PTP4A1: variants seen among roughly 807,000 people sequenced by gnomAD.
PTP4A1 encodes protein tyrosine phosphatase type IVA 1.
PTP4A1 carries 9 observed loss-of-function variants against 20.5 expected under a neutral mutation model. The observed-to-expected ratio is 0.44, with a 90% CI of 0.26 to 0.77. The LOEUF (loss-of-function observed/expected upper bound fraction) is 0.77. Among genes scored for constraint, PTP4A1 ranks in the 30% least tolerant of loss-of-function variants. The pLI, the probability that PTP4A1 is intolerant of heterozygous loss-of-function variation, is 0.19. For synonymous variants in PTP4A1, 78 were observed against 67.4 expected (o/e 1.16, Z -0.77); for missense variants, 137 against 218.8 (o/e 0.63, Z 2.36).
In PTP4A1 at chr6:63,522,989, G is replaced by A. The variant is rs183329105; in HGVS notation, c.-906+1163G>A. On this transcript the variant is annotated intron_variant, in intron 1 of 3. Coordinates refer to the PTP4A1 transcript ENST00000639568. ...AAGCGATTCTCCTGCCACAGCCTCC[G>A]GAGTAGCTGGGACTACAGGCATGTG... Among the ~76,000 whole-genome samples, 10 of 151,014 alleles carry A rather than the reference G, an allele frequency of 6.6e-5. No individual in the cohort carries two copies. The South Asian group carries it at 8.4e-4, about 13-fold the overall frequency.
chr6:63,525,404 C>T (rs1023238854), intron 1 of PTP4A1, among the ~76,000 whole-genome samples: 1 of 152,166 alleles, frequency 6.6e-6, no homozygotes, highest in Non-Finnish European at 1.5e-5. Flanking sequence ...GGAACACACT[C>T]CTTCCCGTTT....
At position 63,582,823 on chromosome 6, in the gene PTP4A1, T is replaced by C. The variant is rs1778325324; in HGVS notation, c.*2649T>C. ...CATTGTTTCCCCTAGTGCCCTCTTT[T>C]CCCTAGGGCATTGCTCTCCTATTCC... On this transcript the variant is annotated 3_prime_UTR_variant, in exon 6 of 6. Transcript: ENST00000626021. 6.6e-6 allele frequency: 1 copy of C among 152,162 alleles called. No homozygotes were observed. Among genetic ancestry groups the C allele is most frequent in the African/African-American group, 2.4e-5 (1 of 41,420 alleles). The allele number at this position is 152,162 out of a possible 1,614,324, so 9.4% of individuals were successfully genotyped here.
At chr6:63,543,288 T>C (rs1376659506) in intron 2 of PTP4A1, among the ~76,000 whole-genome samples, 2 of 152,208 alleles carry the variant, frequency 1.3e-5, no homozygotes, top group Admixed American at 6.5e-5. Flanking sequence ...TCAACTAAAA[T>C]GAACCCTCCT....
At chr6:63,550,521 T>A (rs192515957) in intron 3 of PTP4A1, 1 of 152,308 alleles carries the variant, frequency 6.6e-6, no homozygotes, top group African/African-American at 2.4e-5. Flanking sequence ...ACTTTCATGA[T>A]AAAGGGCCTG....
chr6:63,550,003 C>T (rs1407085084), intron 2 of PTP4A1, among the ~76,000 whole-genome samples: 2 of 152,098 alleles, frequency 1.3e-5, no homozygotes, highest in East Asian at 3.8e-4. Flanking sequence ...AGATGAGGAA[C>T]ACACTAATTA....
intron 2 of PTP4A1, among the ~76,000 whole-genome samples, chr6:63,541,326 G>A (rs922822555): frequency 1.3e-5 from 2 of 152,136 alleles, no homozygotes; most frequent in South Asian, 2.1e-4. Context: ...AGGTCAAGGC[G>A]GGTGGATCAT....
At chr6:63,550,624 G>C (rs1416288159) in intron 3 of PTP4A1, 1 of 152,384 alleles carries the variant, frequency 6.6e-6, no homozygotes, top group Non-Finnish European at 1.5e-5. Flanking sequence ...TGGTTGGTTG[G>C]TTGGTTGGTT....
chr6:63,529,844 C>CA (rs1435488653), intron 2 of PTP4A1, among the ~76,000 whole-genome samples: 3 of 152,092 alleles, frequency 2.0e-5, no homozygotes, highest in Admixed American at 2.0e-4. Flanking sequence ...CAGGAGCTAT[C>CA]AGAGAACTAA....
At chr6:63,552,917 A>C (rs1776517533) in intron 3 of PTP4A1, among the ~76,000 whole-genome samples, 1 of 152,134 alleles carries the variant, frequency 6.6e-6, no homozygotes, top group Non-Finnish European at 1.5e-5. Context: ...CTGTTTTGGT[A>C]CTGTAGCCTT....
intron 1 of PTP4A1, among the ~76,000 whole-genome samples, chr6:63,575,480 GTTC>G (rs755898033): frequency 2.6e-5 from 4 of 152,114 alleles, no homozygotes; most frequent in Non-Finnish European, 5.9e-5. Flanking sequence ...AAATGGTTTA[GTTC>G]TTAAGGGGGA....
rs1778369098 is a variant in PTP4A1 at position 63,583,352 on chromosome 6, G to GA, written c.*3182dup. 6.6e-6 allele frequency: 1 copy of GA among 152,146 alleles called. No homozygotes were observed. The highest frequency in any genetic ancestry group is 2.1e-4 in the South Asian group (1 of 4,828). 9.4% of individuals were successfully genotyped at this position (152,146 alleles called of 1,614,324 possible). ...TATATATGTGCCTCACACCTGAATTGAAAATTAAAGACTGGTTTAAAAGTG... is the reference window on the plus strand; with the variant it reads ...TATATATGTGCCTCACACCTGAATTGAAAAATTAAAGACTGGTTTAAAAGTG... On this transcript the variant is annotated 3_prime_UTR_variant, in exon 6 of 6. Coordinates refer to ENST00000626021, the MANE Select transcript of PTP4A1 (RefSeq NM_003463.5).
intron 2 of PTP4A1, among the ~76,000 whole-genome samples, chr6:63,547,807 G>A (rs1409590665): frequency 3.3e-5 from 5 of 151,946 alleles, no homozygotes; most frequent in Non-Finnish European, 5.9e-5. Context: ...CACTGCGCCC[G>A]GCCCAGGGGG....
At chr6:63,561,931 C>T (rs1315248393) in intron 3 of PTP4A1, among the ~76,000 whole-genome samples, 2 of 152,078 alleles carry the variant, frequency 1.3e-5, no homozygotes, top group Non-Finnish European at 2.9e-5. Context: ...AGGCTACAGA[C>T]CTATCGGTGC....
upstream of PTP4A1, among the ~76,000 whole-genome samples, chr6:63,517,726 C>G (rs1329045740): frequency 6.6e-6 from 1 of 152,104 alleles, no homozygotes; most frequent in East Asian, 1.9e-4. Flanking sequence ...ATATGTATCA[C>G]AGACACTGAT....
intron 2 of PTP4A1, among the ~76,000 whole-genome samples, chr6:63,547,881 C>G (rs753695820): frequency 7.2e-5 from 11 of 152,142 alleles, no homozygotes; most frequent in Non-Finnish European, 1.3e-4. Flanking sequence ...CACTTTCCAA[C>G]ACTTATTTAT....
In PTP4A1 at chr6:63,578,451, T is replaced by C. The variant is rs1012488978; in HGVS notation, c.120T>C (p.Tyr40=). 1.1e-5 allele frequency: 17 copies of C among 1,607,832 alleles called. No individual in the cohort carries two copies. Among genetic ancestry groups the C allele is most frequent in the Non-Finnish European group, 1.4e-5 (17 of 1,178,366 alleles). The change falls in exon 3 of 6, where the codon TAT becomes TAC. Residue 40 remains tyrosine (Y), a synonymous_variant. Transcript: ENST00000626021. The stretch of plus-strand genomic sequence containing the variant: ...GTTTTATCCAGGAACTTAAGAAGTA[T>C]GGAGTTACCACAATAGTAAGAGTAT... The part of the protein sequence containing the change: ...LNKFIEELKK[Y]GVTTIVRVCE...
At position 63,576,446 on chromosome 6, in the gene PTP4A1, GTGT is replaced by G. The variant is rs1228485919; in HGVS notation, c.-433_-431del. 1 of 399,326 alleles carries G rather than the reference GTGT, an allele frequency of 2.5e-6. No individual in the cohort carries two copies. Among genetic ancestry groups the G allele is most frequent in the Non-Finnish European group, 4.4e-6 (1 of 226,506 alleles). The allele number at this position is 399,326 out of a possible 1,614,324, so 24.7% of individuals were successfully genotyped here. A position where few individuals can be genotyped will look rare whatever the true frequency, so the allele number is the denominator to read the frequency against. ...TTTTCTTTTAAACAGCAATTCTGTG[GTGT>G]TCTTGGTCACACATTTATGGAGTTT... On this transcript the variant is annotated 5_prime_UTR_variant, in exon 2 of 6. Coordinates refer to ENST00000626021, the MANE Select transcript of PTP4A1 (RefSeq NM_003463.5).
chr6:63,532,949 C>T (rs1170806566), intron 2 of PTP4A1, among the ~76,000 whole-genome samples: 1 of 152,138 alleles, frequency 6.6e-6, no homozygotes, highest in African/African-American at 2.4e-5. Flanking sequence ...CCGATGTGAG[C>T]CTTCATCCTA....
chr6:63,560,333 C>T (rs1372894019), intron 3 of PTP4A1, among the ~76,000 whole-genome samples: 5 of 127,210 alleles, frequency 3.9e-5, no homozygotes, highest in African/African-American at 9.2e-5. Flanking sequence ...AGTAAGACTC[C>T]GTCTCAAAAA....
Sources: gnomAD v4.1 joint callset for allele counts (sites outside exome capture counted in the v4.1 genomes callset) on GRCh38, gnomAD v4.1.1 for gene constraint, MANE v1.5 for transcripts, NCBI Gene and HGNC (gene_info 2026-07-23, HGNC 2026-07-21) for gene names.